Variants in ADCY9 observed in about 807,000 individuals in gnomAD.
ADCY9 encodes the protein adenylate cyclase type 9.
In ADCY9, 50 loss-of-function variants were observed where a neutral mutation model predicts 101.5. The ratio of observed to expected loss-of-function variants is 0.49; its 90% CI spans 0.39 to 0.62. The LOEUF (loss-of-function observed/expected upper bound fraction) is 0.62. ADCY9 is among the 20% of genes least tolerant of loss of function. ADCY9 has a pLI of 0.00. For missense variants in ADCY9, 1,662 were observed against 1,800.4 expected (o/e 0.92, Z 1.39); for synonymous variants, 905 against 769.3 (o/e 1.18, Z -2.92).
At chr16:4,040,743 A>C (rs1231356895) in intron 2 of ADCY9, among the ~76,000 whole-genome samples, 1 of 152,084 alleles carries the variant, frequency 6.6e-6, no homozygotes, top group African/African-American at 2.4e-5. Context: ...AGGAGTAATG[A>C]CATCTTTAAA....
At chr16:4,050,352 C>T (rs12102614) in intron 2 of ADCY9, among the ~76,000 whole-genome samples, 7,498 of 152,152 alleles carry the variant, frequency 0.049, 598 homozygotes, top group African/African-American at 0.17. Flanking sequence ...GAACTACAAA[C>T]GCATGTGTGC....
intron 2 of ADCY9, among the ~76,000 whole-genome samples, chr16:4,041,496 G>A (rs1386818517): frequency 4.3e-5 from 4 of 93,010 alleles, no homozygotes; most frequent in Non-Finnish European, 6.0e-5. Flanking sequence ...GCAAGGCCCC[G>A]TATTAAAACC....
intron 2 of ADCY9, among the ~76,000 whole-genome samples, chr16:4,023,840 G>A (rs562192317): frequency 1.4e-4 from 21 of 152,046 alleles, no homozygotes; most frequent in African/African-American, 4.8e-4. Context: ...AACCCAGGAG[G>A]TGGAGGCTGC....
intron 6 of ADCY9, among the ~76,000 whole-genome samples, chr16:3,987,159 C>G (rs28429509): frequency 0.021 from 3,203 of 152,340 alleles, 100 homozygotes; most frequent in African/African-American, 0.073. Context: ...GGAGTTCCCC[C>G]CTTGGAGCCC....
intron 2 of ADCY9, among the ~76,000 whole-genome samples, chr16:4,106,112 G>A (rs913784799): frequency 2.0e-5 from 3 of 152,196 alleles, no homozygotes; most frequent in African/African-American, 7.2e-5. Flanking sequence ...AAGGATGCCA[G>A]GAATTTTTTA....
chr16:4,040,672 G>T (rs2056620827), intron 2 of ADCY9, among the ~76,000 whole-genome samples: 2 of 152,092 alleles, frequency 1.3e-5, no homozygotes. Flanking sequence ...GGCCAGACTG[G>T]TCTCGAACTC....
intron 2 of ADCY9, among the ~76,000 whole-genome samples, chr16:4,014,006 A>G (rs940222912): frequency 6.6e-6 from 1 of 152,150 alleles, no homozygotes; most frequent in Non-Finnish European, 1.5e-5. Context: ...TGCTGGTGAA[A>G]CTTAACCTCT....
chr16:3,975,295 T>C (rs535042653), intron 9 of ADCY9, among the ~76,000 whole-genome samples: 33 of 150,722 alleles, frequency 2.2e-4, no homozygotes, highest in African/African-American at 6.7e-4. Context: ...TTATTTTGCT[T>C]AATCTATTCA....
At chr16:4,035,954 G>A (rs1326984395) in intron 2 of ADCY9, among the ~76,000 whole-genome samples, 2 of 130,140 alleles carry the variant, frequency 1.5e-5, no homozygotes, top group Non-Finnish European at 3.1e-5. Flanking sequence ...AGCCCAAATC[G>A]TGCCATTGCA....
intron 2 of ADCY9, among the ~76,000 whole-genome samples, chr16:4,066,822 G>C (rs1240017076): frequency 1.3e-5 from 2 of 152,306 alleles, no homozygotes; most frequent in South Asian, 2.1e-4. Context: ...ATTCCCGCTT[G>C]TAGGAGCTAT....
intron 2 of ADCY9, among the ~76,000 whole-genome samples, chr16:4,007,777 C>G (rs79964474): frequency 6.6e-6 from 1 of 151,932 alleles, no homozygotes; most frequent in Non-Finnish European, 1.5e-5. Flanking sequence ...ACCCACGTTA[C>G]GTTTTCTTGG....
chr16:4,055,946 C>G (rs1162847137), intron 2 of ADCY9, among the ~76,000 whole-genome samples: 1 of 152,174 alleles, frequency 6.6e-6, no homozygotes, highest in Non-Finnish European at 1.5e-5. Context: ...ACAGCTCCCA[C>G]AAGTACAAGC....
In ADCY9 at chr16:4,105,393, C is replaced by T. The variant is rs112604003; in HGVS notation, c.1693+8357G>A. Among the ~76,000 whole-genome samples, 588 of 151,890 alleles carry T rather than the reference C, an allele frequency of 3.9e-3. 3 individuals carry two copies. Among genetic ancestry groups the T allele is most frequent in the African/African-American group, 0.013 (551 of 41,396 alleles). On this transcript the variant is annotated intron_variant, in intron 2 of 10. Coordinates refer to ENST00000294016, the MANE Select transcript of ADCY9 (RefSeq NM_001116.4). ...CTACAAATAATTTTTAAAATTAGGC[C>T]GGGCATGGTGGCTCACACCTATAAT...
chr16:4,084,034 T>A (rs1321235993), intron 2 of ADCY9, among the ~76,000 whole-genome samples: 1 of 152,230 alleles, frequency 6.6e-6, no homozygotes, highest in Non-Finnish European at 1.5e-5. Flanking sequence ...TTTTTCTTTT[T>A]GACACAGGGT....
intron 2 of ADCY9, among the ~76,000 whole-genome samples, chr16:4,024,381 G>A (rs371746623): frequency 2.6e-3 from 395 of 152,236 alleles, no homozygotes; most frequent in African/African-American, 8.8e-3. Flanking sequence ...TACATATACG[G>A]TACAGGGAGT....
At chr16:4,036,380 T>C (rs548173594) in intron 2 of ADCY9, among the ~76,000 whole-genome samples, 2 of 152,060 alleles carry the variant, frequency 1.3e-5, no homozygotes, top group East Asian at 1.9e-4. Flanking sequence ...TTATGGCATG[T>C]ATATAATGCG....
chr16:3,971,129 G>A (rs1038641839), intron 10 of ADCY9, among the ~76,000 whole-genome samples: 1 of 152,054 alleles, frequency 6.6e-6, no homozygotes, highest in Non-Finnish European at 1.5e-5. Context: ...GCAGAGGCGG[G>A]AGACCTGAAC....
intron 2 of ADCY9, among the ~76,000 whole-genome samples, chr16:4,013,104 C>T (rs1179692785): frequency 1.3e-5 from 2 of 151,982 alleles, no homozygotes; most frequent in Non-Finnish European, 2.9e-5. Context: ...ATTTAAAAAT[C>T]AGCTGGGTGT....
At chr16:3,953,869 C>T (rs540737330) in intron 5 of ADCY9, among the ~76,000 whole-genome samples, 10 of 152,330 alleles carry the variant, frequency 6.6e-5, no homozygotes, top group South Asian at 4.1e-4. Context: ...ACCATCAGCA[C>T]GGGGAGGTCG....
Sources: gnomAD v4.1 joint callset for allele counts (sites outside exome capture counted in the v4.1 genomes callset) on GRCh38, gnomAD v4.1.1 for gene constraint, MANE v1.5 for transcripts, NCBI Gene and HGNC (gene_info 2026-07-23, HGNC 2026-07-21) for gene names.